CAMSAP1: variants seen among roughly 807,000 people sequenced by gnomAD.
CAMSAP1 encodes calmodulin regulated spectrin associated protein 1.
Under a neutral mutation model 143.5 loss-of-function variants are expected in CAMSAP1, and 58 were observed. The observed-to-expected ratio is 0.40, with a 90% CI of 0.33 to 0.50. The LOEUF is 0.50. CAMSAP1 is among the 20% of genes least tolerant of loss of function. The pLI, the probability that CAMSAP1 is intolerant of heterozygous loss-of-function variation, is 0.45. For synonymous variants in CAMSAP1, 945 were observed against 859.3 expected, an observed-to-expected ratio of 1.10 and a Z score of -1.74; for missense variants, 1,969 against 2,115.7, an observed-to-expected ratio of 0.93 and a Z score of 1.36.
chr9:135,906,603 G>A (rs1007318332), intron 1 of CAMSAP1, among the ~76,000 whole-genome samples: 2 of 152,244 alleles, frequency 1.3e-5, no homozygotes, highest in Admixed American at 6.5e-5. Flanking sequence ...CGGAATCACA[G>A]GTCCAGCACT....
chr9:135,867,727 C>T (rs138662415), intron 3 of CAMSAP1, among the ~76,000 whole-genome samples: 1 of 152,154 alleles, frequency 6.6e-6, no homozygotes. Flanking sequence ...TTGCTTGTAA[C>T]TCTGATCCCT....
intron 1 of CAMSAP1, among the ~76,000 whole-genome samples, chr9:135,885,834 CCCT>C (rs770705717): frequency 2.6e-5 from 4 of 152,118 alleles, no homozygotes; most frequent in Non-Finnish European, 4.4e-5. Context: ...TGTGGTGAAG[CCCT>C]CCTAACTGTA....
intron 1 of CAMSAP1, among the ~76,000 whole-genome samples, chr9:135,903,328 A>C (rs1168534740): frequency 2.0e-5 from 3 of 152,256 alleles, no homozygotes; most frequent in African/African-American, 7.2e-5. Context: ...TGTCCAATAC[A>C]TTATTTCTTT....
At position 135,822,100 on chromosome 9, in the gene CAMSAP1, G is replaced by A. The variant is rs778795675; in HGVS notation, c.2561C>T (p.Thr854Met). ...ASESCPAPLT[T>M]WRQKREQSPS... is the part of the protein sequence containing the mutation. Reference sequence around the variant, plus strand: ...ACTCTGCTCCCTCTTCTGCCTCCACGTCGTCAGAGGGGCTGGGCAGCTCTC... The same window carrying A: ...ACTCTGCTCCCTCTTCTGCCTCCACATCGTCAGAGGGGCTGGGCAGCTCTC... The change falls in exon 11 of 17, where the codon ACG becomes ATG. Residue 854 changes from threonine (T) to methionine (M), a missense_variant. By Grantham distance (81) the Thr-to-Met change is moderately conservative. Transcript: ENST00000389532. This position sits in a 1 kb window ranked among gnomAD's most constrained non-coding sequence, Gnocchi z 6.1. 21 of 1,612,940 alleles carry A rather than the reference G, an allele frequency of 1.3e-5. No individual in the cohort carries two copies. Among genetic ancestry groups the A allele is most frequent in the Middle Eastern group, 1.7e-4 (1 of 6,054 alleles).
Position 135,821,305 on chromosome 9 carries a change from C to A in CAMSAP1, c.3356G>T (p.Arg1119Leu), listed in dbSNP as rs756147112. 6 of 1,612,324 alleles carry A rather than the reference C, an allele frequency of 3.7e-6. No homozygotes were observed. The highest frequency in any genetic ancestry group is 5.1e-6 in the Non-Finnish European group (6 of 1,179,850). The change falls in exon 11 of 17, where the codon CGA becomes CTA. Residue 1119 changes from arginine (R) to leucine (L), a missense_variant. Physicochemically the swap from Arg to Leu is moderately radical, Grantham distance 102. Coordinates refer to ENST00000389532, the MANE Select transcript of CAMSAP1 (RefSeq NM_015447.4). This position sits in a 1 kb window ranked among gnomAD's most constrained non-coding sequence, Gnocchi z 4.6. ...TACACTGGGCGTTGGGGTTTTACTT[C>A]GGGAGGAGCCCTGTGGCCTGTCTTT... ...VPKDRPQGSS[R>L]SKTPTPSVET...
chr9:135,892,616 G>A (rs536717107), intron 1 of CAMSAP1, among the ~76,000 whole-genome samples: 11 of 151,924 alleles, frequency 7.2e-5, no homozygotes, highest in Non-Finnish European at 1.5e-4. Flanking sequence ...ACTTTGGGAG[G>A]CCAAGGCGGG....
chr9:135,873,241 C>T (rs956005789), intron 3 of CAMSAP1, among the ~76,000 whole-genome samples: 2 of 152,030 alleles, frequency 1.3e-5, no homozygotes, highest in Non-Finnish European at 2.9e-5. Context: ...AGTGAGAAAA[C>T]AAGAATCCAC....
At chr9:135,850,602 G>A (rs1836740797) in intron 5 of CAMSAP1, 141 bp from the exon 6 acceptor site, 1 of 635,170 alleles carries the variant, frequency 1.6e-6, no homozygotes, top group Non-Finnish European at 2.5e-6. Context: ...AGTATAGGAT[G>A]TACAACAAGT....
intron 3 of CAMSAP1, among the ~76,000 whole-genome samples, chr9:135,876,618 C>G (rs1015503749): frequency 2.0e-5 from 3 of 152,118 alleles, no homozygotes; most frequent in Non-Finnish European, 2.9e-5. Flanking sequence ...AACATTTTGG[C>G]AGTTTATTCT....
At chr9:135,838,826 G>C (rs1006960570) in intron 7 of CAMSAP1, among the ~76,000 whole-genome samples, 100 of 149,956 alleles carry the variant, frequency 6.7e-4, no homozygotes, top group African/African-American at 2.4e-3. Flanking sequence ...CCGTTCTACA[G>C]ACACACGTCA....
chr9:135,870,771 G>A (rs1257115519), intron 3 of CAMSAP1, among the ~76,000 whole-genome samples: 3 of 152,106 alleles, frequency 2.0e-5, no homozygotes, highest in Non-Finnish European at 4.4e-5. Flanking sequence ...CTCCAGCCTA[G>A]GTGACAGAGC....
intron 15 of CAMSAP1, 115 bp downstream of exon 15, chr9:135,815,775 C>T (rs1588438115): frequency 1.2e-6 from 1 of 862,394 alleles, no homozygotes; most frequent in Admixed American, 2.7e-5. Context: ...CTACATCAAA[C>T]ATCTTTGTTA....
At chr9:135,833,332 C>T (rs1243266768) in intron 7 of CAMSAP1, among the ~76,000 whole-genome samples, 2 of 152,132 alleles carry the variant, frequency 1.3e-5, no homozygotes, top group Admixed American at 6.5e-5. Context: ...CCGCCCGCCT[C>T]GGCCTCCCAA....
intron 16 of CAMSAP1, 81 bp downstream of exon 16, chr9:135,815,016 G>T (rs1407055628): frequency 1.0e-6 from 1 of 964,328 alleles, no homozygotes; most frequent in Non-Finnish European, 1.6e-6. Flanking sequence ...AAGATTAGGG[G>T]TGTTTTCTTT....
chr9:135,859,942 C>T (rs1299129102), intron 5 of CAMSAP1, among the ~76,000 whole-genome samples: 1 of 150,472 alleles, frequency 6.6e-6, no homozygotes, highest in Non-Finnish European at 1.5e-5. Context: ...CGGTGGCTCA[C>T]GTATGGAATC....
rs539771575 is a variant in CAMSAP1 at position 135,847,087 on chromosome 9, A to G, written c.1045+3050T>C. Among the ~76,000 whole-genome samples, 3 of 152,158 alleles carry G rather than the reference A, an allele frequency of 2.0e-5. No individual in the cohort carries two copies. In the South Asian group the frequency reaches 6.2e-4, roughly 32 times the overall value. On this transcript the variant is annotated intron_variant, in intron 7 of 16. Coordinates refer to ENST00000389532, the MANE Select transcript of CAMSAP1 (RefSeq NM_015447.4). ...TATAGGCCGGGCACGGTGGCTCACAACTGTAATCCCAGCACTTTGGGAGGC... is the reference window on the plus strand; with the variant it reads ...TATAGGCCGGGCACGGTGGCTCACAGCTGTAATCCCAGCACTTTGGGAGGC...
At chr9:135,850,998 T>A (rs748513967) in intron 5 of CAMSAP1, among the ~76,000 whole-genome samples, 20 of 152,218 alleles carry the variant, frequency 1.3e-4, no homozygotes, top group Non-Finnish European at 2.8e-4. Context: ...AGGTGGAGAC[T>A]GGTGGCTATA....
Position 135,818,435 on chromosome 9 carries a change from C to A in CAMSAP1, c.4141G>T (p.Asp1381Tyr). The change falls in exon 13 of 17, where the codon GAC becomes TAC. Residue 1381 changes from aspartate to tyrosine, a missense_variant. Coordinates refer to ENST00000389532, the MANE Select transcript of CAMSAP1 (RefSeq NM_015447.4). The surrounding 1 kb of genome is among the most constrained non-coding windows in gnomAD (Gnocchi z 7.7). ...GTGGAGGAGCACTTGGTGCCGGAGT[C>A]GCTGCACGACTCTTCCCGGTGCACC... ...KSVHREESCS[D>Y]SGTKCSSTPD... 2 of 1,593,872 alleles carry A rather than the reference C, an allele frequency of 1.3e-6. No homozygotes were observed. Among genetic ancestry groups the A allele is most frequent in the South Asian group, 2.2e-5 (2 of 88,906 alleles).
chr9:135,863,345 G>C (rs543797510), intron 4 of CAMSAP1, among the ~76,000 whole-genome samples: 3 of 152,302 alleles, frequency 2.0e-5, no homozygotes, highest in Non-Finnish European at 4.4e-5. Flanking sequence ...AGGCCACTGA[G>C]GGCAGGACAC....
Sources: allele counts gnomAD v4.1 joint callset (sites outside exome capture counted in the v4.1 genomes callset), GRCh38; gene constraint gnomAD v4.1.1; non-coding constraint Gnocchi (gnomAD v3.1); transcripts MANE v1.5; gene names NCBI Gene and HGNC (gene_info 2026-07-23, HGNC 2026-07-21).